The following PCDHA2 variants were observed in gnomAD, a reference collection of about 807,000 sequenced individuals.
PCDHA2 encodes protocadherin alpha 2, also known as protocadherin alpha-2.
Under a neutral mutation model 66.0 loss-of-function variants are expected in PCDHA2, and 58 were observed. That is an observed-to-expected ratio of 0.88 (90% confidence interval 0.71 to 1.09). PCDHA2 has a LOEUF of 1.09. PCDHA2 is among the 50% of genes least tolerant of loss of function. The pLI, the probability that PCDHA2 is intolerant of heterozygous loss-of-function variation, is 0.00. For missense variants in PCDHA2, 1,267 were observed against 1,242.3 expected, an observed-to-expected ratio of 1.02 and a Z score of -0.30; for synonymous variants, 634 against 554.0, an observed-to-expected ratio of 1.14 and a Z score of -2.03.
chr5:140,883,695 C>T, intron 1 of PCDHA2: 2 of 1,613,804 alleles, frequency 1.2e-6, no homozygotes, highest in Non-Finnish European at 1.7e-6. Context: ...CACATCTTCA[C>T]GGTGTCTGCT....
At chr5:140,856,444 C>G in intron 1 of PCDHA2, 1 of 1,598,432 alleles carries the variant, frequency 6.3e-7, no homozygotes, top group Non-Finnish European at 8.6e-7. Flanking sequence ...CGCCCAGGTT[C>G]TCCGTAACAG....
intron 1 of PCDHA2, chr5:140,802,669 C>T (rs782733330): frequency 2.0e-5 from 33 of 1,613,332 alleles, no homozygotes; most frequent in Non-Finnish European, 2.6e-5. Flanking sequence ...GCCCTGGTGT[C>T]CTACTCGCTG....
In PCDHA2 at chr5:140,828,604, A is replaced by G. The variant is rs2150157266; in HGVS notation, c.2388+31252A>G. On this transcript the variant is annotated intron_variant, in intron 1 of 3. Transcript: ENST00000526136. The stretch of plus-strand genomic sequence containing the variant: ...GCTCAAATTCCATCTTAACCTATAA[A>G]CTCAGTTCTAGCGAATACTTCGGGC... 71 of 1,614,018 alleles carry G rather than the reference A, an allele frequency of 4.4e-5. 1 individual carries two copies. The highest frequency in any genetic ancestry group is 1.5e-4 in the Admixed American group (9 of 59,998).
At chr5:140,833,928 T>C (rs954480952) in intron 1 of PCDHA2, among the ~76,000 whole-genome samples, 1 of 152,174 alleles carries the variant, frequency 6.6e-6, no homozygotes, top group Admixed American at 6.6e-5. Context: ...TAAATTCATG[T>C]TGTCACTTAG....
chr5:140,902,127 C>G (rs2069118126), intron 1 of PCDHA2, among the ~76,000 whole-genome samples: 1 of 150,418 alleles, frequency 6.6e-6, no homozygotes, highest in African/African-American at 2.4e-5. Context: ...GAGATTATAT[C>G]ATCTGCAAAC....
chr5:140,870,915 G>A (rs1554164824), intron 1 of PCDHA2: 4 of 1,613,830 alleles, frequency 2.5e-6, no homozygotes, highest in Non-Finnish European at 3.4e-6. Flanking sequence ...GCTACAACGC[G>A]TGGCTTTCAT....
At chr5:140,851,695 G>T in intron 1 of PCDHA2, 1 of 939,814 alleles carries the variant, frequency 1.1e-6, no homozygotes, top group Non-Finnish European at 1.3e-6. Flanking sequence ...GTGATAAAAT[G>T]ATCAGCCATG....
chr5:140,881,318 C>G (rs970806128), intron 1 of PCDHA2: 20 of 977,252 alleles, frequency 2.0e-5, no homozygotes, highest in East Asian at 2.3e-4. Context: ...TGGTTAAATT[C>G]TATTTAACCA....
intron 1 of PCDHA2, chr5:140,841,549 G>T (rs781866504): frequency 6.2e-6 from 10 of 1,613,710 alleles, no homozygotes; most frequent in East Asian, 2.2e-5. Context: ...ACCTTCTGGA[G>T]GTAAGTCTGC....
At position 140,797,019 on chromosome 5, in the gene PCDHA2, C is replaced by G; in HGVS notation, c.2055C>G (p.Gly685=). The G allele has an allele frequency of 1.2e-6, 2 of 1,613,680 alleles. No individual in the cohort carries two copies. The stretch of plus-strand genomic sequence containing the variant: ...AGGCCTCGTCGCGGGCGTGGGTGGG[C>G]GCCGCGGGCTCAGAGGCTACGCTGG... ...APKASSRAWV[G]AAGSEATLVD... The change falls in exon 1 of 4, where the codon GGC becomes GGG. Residue 685 remains glycine (G), a synonymous_variant. Transcript: ENST00000526136.
intron 3 of PCDHA2, among the ~76,000 whole-genome samples, chr5:141,000,387 C>A (rs868946328): frequency 8.2e-4 from 55 of 66,860 alleles, no homozygotes; most frequent in African/African-American, 2.7e-3. Context: ...CTCTCTCTCT[C>A]TCTCTCTCTA....
At chr5:140,984,869 T>C (rs1587042657) in intron 3 of PCDHA2, among the ~76,000 whole-genome samples, 1 of 152,174 alleles carries the variant, frequency 6.6e-6, no homozygotes, top group East Asian at 1.9e-4. Flanking sequence ...ACCTATTTTA[T>C]TGAGTTACCA....
chr5:140,858,123 T>C, intron 1 of PCDHA2: 1 of 1,597,678 alleles, frequency 6.3e-7, no homozygotes, highest in East Asian at 2.2e-5. Flanking sequence ...GTGGCCCTGG[T>C]GGATGTCAAC....
In PCDHA2 at chr5:140,943,140, C is replaced by CCCAGCTA. The variant is rs377502817; in HGVS notation, c.2389-35807_2389-35801dup. 5.8e-3 allele frequency among the ~76,000 whole-genome samples: 878 copies of CCCAGCTA among 151,552 alleles called. 7 individuals are homozygous for CCCAGCTA. The highest frequency in any genetic ancestry group is 0.021 in the African/African-American group (851 of 41,302). On this transcript the variant is annotated intron_variant, in intron 1 of 3. Transcript: ENST00000526136. ...AGGTGTGGTAGTGGGTGCCTGTAGT[C>CCCAGCTA]CCAGCTACTCTGGAGGCTGAGGCAG...
chr5:140,830,054 G>C, intron 1 of PCDHA2: 1 of 1,613,740 alleles, frequency 6.2e-7, no homozygotes, highest in Non-Finnish European at 8.5e-7. Flanking sequence ...GAAAGACCAC[G>C]GTGAGCCGGC....
intron 1 of PCDHA2, chr5:140,877,827 T>C (rs1554170143): frequency 1.2e-6 from 2 of 1,601,676 alleles, no homozygotes; most frequent in Middle Eastern, 1.7e-4. Flanking sequence ...ATTGTTTAAA[T>C]CCTCCCAGTG....
At chr5:140,922,565 C>G (rs1334011438) in intron 1 of PCDHA2, among the ~76,000 whole-genome samples, 1 of 152,150 alleles carries the variant, frequency 6.6e-6, no homozygotes, top group Non-Finnish European at 1.5e-5. Context: ...GTCAGGATGA[C>G]AAGTTGCCCT....
intron 1 of PCDHA2, chr5:140,805,739 T>C (rs1763624426): frequency 3.2e-6 from 1 of 316,764 alleles, no homozygotes; most frequent in Non-Finnish European, 4.6e-6. Context: ...GTTTTCAACA[T>C]TGAACTTGAA....
intron 1 of PCDHA2, among the ~76,000 whole-genome samples, chr5:140,920,731 C>G (rs2079790420): frequency 6.6e-6 from 1 of 151,924 alleles, no homozygotes; most frequent in African/African-American, 2.4e-5. Flanking sequence ...GCAGTCCCAG[C>G]TACTCAGGAG....
Sources: gnomAD v4.1 joint callset for allele counts (sites outside exome capture counted in the v4.1 genomes callset) on GRCh38, gnomAD v4.1.1 for gene constraint, MANE v1.5 for transcripts, NCBI Gene and HGNC (gene_info 2026-07-23, HGNC 2026-07-21) for gene names.